UTRN: variants seen among roughly 807,000 people sequenced by gnomAD.
The protein encoded by UTRN is utrophin.
In UTRN, 283 loss-of-function variants were observed where a neutral mutation model predicts 463.9. The ratio of observed to expected loss-of-function variants is 0.61; its 90% CI spans 0.55 to 0.67. The LOEUF is 0.67. Among genes scored for constraint, UTRN ranks in the 30% least tolerant of loss-of-function variants. The pLI, the probability that UTRN is intolerant of heterozygous loss-of-function variation, is 0.00. For synonymous variants in UTRN, 1,442 were observed against 1,431.5 expected (o/e 1.01, Z -0.17); for missense variants, 3,922 against 4,084.3 (o/e 0.96, Z 1.08).
intron 2 of UTRN, among the ~76,000 whole-genome samples, chr6:144,388,447 G>A (rs1489947684): frequency 6.6e-6 from 1 of 151,334 alleles, no homozygotes; most frequent in Non-Finnish European, 1.5e-5. Context: ...AGAGTAGCTG[G>A]GACTACAGGT....
chr6:144,421,682 C>CT (rs1382851610), intron 3 of UTRN, among the ~76,000 whole-genome samples, 196 bp from the exon 4 acceptor site: 2 of 150,838 alleles, frequency 1.3e-5, no homozygotes, highest in African/African-American at 4.9e-5. Context: ...GAGTGAGACT[C>CT]TGTCTAAAAA....
At chr6:144,725,703 A>AT (rs1787798818) in intron 53 of UTRN, among the ~76,000 whole-genome samples, 1 of 152,210 alleles carries the variant, frequency 6.6e-6, no homozygotes, top group Non-Finnish European at 1.5e-5. Context: ...TCTAATTGAG[A>AT]GAGTTAAAGT....
At chr6:144,779,582 G>C (rs995313244) in intron 60 of UTRN, among the ~76,000 whole-genome samples, 1 of 152,112 alleles carries the variant, frequency 6.6e-6, no homozygotes, top group Non-Finnish European at 1.5e-5. Flanking sequence ...ATCTGAGGGG[G>C]AGGAAGAAGA....
At chr6:144,732,142 G>A (rs181606884) in intron 54 of UTRN, among the ~76,000 whole-genome samples, 8 of 150,136 alleles carry the variant, frequency 5.3e-5, no homozygotes, top group Admixed American at 5.3e-4. Context: ...GATTACAGAC[G>A]TAAGCCACTA....
intron 61 of UTRN, 83 bp from the exon 62 acceptor site, chr6:144,789,111 A>C (rs1180742910): frequency 8.8e-7 from 1 of 1,139,166 alleles, no homozygotes; most frequent in African/African-American, 1.6e-5. Flanking sequence ...GTTTACCCCC[A>C]AGAAAATAGA....
chr6:144,535,571 A>G (rs1797457608), intron 43 of UTRN, among the ~76,000 whole-genome samples: 1 of 152,216 alleles, frequency 6.6e-6, no homozygotes, highest in Admixed American at 6.5e-5. Flanking sequence ...CTTCCCCAAC[A>G]GCTTATATTT....
In UTRN at chr6:144,639,808, A is replaced by G. The variant is rs150252551; in HGVS notation, c.7480-38598A>G. Among the ~76,000 whole-genome samples, 504 of 151,968 alleles carry G rather than the reference A, an allele frequency of 3.3e-3. 3 individuals carry two copies. Among genetic ancestry groups the G allele is most frequent in the African/African-American group, 0.011 (469 of 41,430 alleles). The stretch of plus-strand genomic sequence containing the variant: ...GTGCCATGTTGCTGTGGGAGTTTCT[A>G]TATGGAAGAGGGGCATTAACAAAGC... On this transcript the variant is annotated intron_variant, in intron 51 of 74. Coordinates refer to ENST00000367545, the MANE Select transcript of UTRN (RefSeq NM_007124.3).
chr6:144,736,471 AT>A (rs1298878102), intron 54 of UTRN, among the ~76,000 whole-genome samples: 1 of 151,812 alleles, frequency 6.6e-6, no homozygotes, highest in Non-Finnish European at 1.5e-5. Flanking sequence ...GTTCCTTTAA[AT>A]TTTTTCCATT....
intron 2 of UTRN, among the ~76,000 whole-genome samples, chr6:144,359,813 G>T (rs924127944): frequency 6.7e-6 from 1 of 149,884 alleles, no homozygotes; most frequent in African/African-American, 2.5e-5. Flanking sequence ...ACATTTCATC[G>T]CTTGATGTTT....
chr6:144,721,400 G>A (rs1787153282), intron 53 of UTRN, among the ~76,000 whole-genome samples: 1 of 152,078 alleles, frequency 6.6e-6, no homozygotes, highest in Non-Finnish European at 1.5e-5. Context: ...ATTGAGACGG[G>A]GTCTAGCTAT....
At chr6:144,530,791 T>C (rs1285709374) in intron 41 of UTRN, among the ~76,000 whole-genome samples, 1 of 151,904 alleles carries the variant, frequency 6.6e-6, no homozygotes, top group African/African-American at 2.4e-5. Context: ...TGAGTGTGCA[T>C]GTGTGTGTGT....
At chr6:144,711,339 A>C (rs1785681559) in intron 53 of UTRN, among the ~76,000 whole-genome samples, 1 of 152,140 alleles carries the variant, frequency 6.6e-6, no homozygotes, top group African/African-American at 2.4e-5. Context: ...AAACAAAAAA[A>C]AAAAAGCAGC....
Position 144,488,707 on chromosome 6 carries a change from T to G in UTRN, c.4007T>G (p.Leu1336Arg). The G allele has an allele frequency of 6.2e-7, 1 of 1,613,234 alleles. No homozygotes were observed. Among genetic ancestry groups the G allele is most frequent in the East Asian group, 2.2e-5 (1 of 44,848 alleles). Residue 1336 changes from leucine (L) to arginine (R), a missense_variant, in exon 30 of 75, where the codon CTC (leucine) becomes CGC (arginine). Physicochemically the swap from Leu to Arg is moderately radical, Grantham distance 102. Around this residue, in one of 3 missense-constraint regions of UTRN, gnomAD observed 2,349 missense variants for 2,303.8 expected, o/e 1.02. Transcript: ENST00000367545. ...AAGCAGATTTCTTTGGAAAAGCAAC[T>G]CCAGGTGCTGCGGGAAACTGACCAG... ...ESKQISLEKQ[L>R]QVLRETDQML...
chr6:144,336,917 T>C (rs939347212), intron 2 of UTRN, among the ~76,000 whole-genome samples: 7 of 152,112 alleles, frequency 4.6e-5, no homozygotes, highest in Non-Finnish European at 8.8e-5. Context: ...CAGCCAGTCA[T>C]GTAGGGTTGC....
intron 38 of UTRN, 104 bp from the exon 39 acceptor site, chr6:144,516,707 G>T (rs576192836): frequency 3.3e-6 from 3 of 903,602 alleles, no homozygotes; most frequent in South Asian, 3.8e-5. Flanking sequence ...ATATCTTGAC[G>T]TATACTATAC....
intron 2 of UTRN, chr6:144,330,891 T>A: frequency 2.0e-6 from 2 of 985,450 alleles, no homozygotes; most frequent in Non-Finnish European, 2.4e-6. Context: ...ACACATCCCT[T>A]TGTGACTTCA....
At chr6:144,507,806 G>T (rs529572298) in intron 34 of UTRN, among the ~76,000 whole-genome samples, 7 of 152,128 alleles carry the variant, frequency 4.6e-5, no homozygotes, top group African/African-American at 1.4e-4. Context: ...TGGGAGATCC[G>T]CTGCTCTCTT....
chr6:144,346,745 C>A (rs1174975862), intron 2 of UTRN, among the ~76,000 whole-genome samples: 1 of 152,130 alleles, frequency 6.6e-6, no homozygotes, highest in Non-Finnish European at 1.5e-5. Context: ...ATCGCTTGAA[C>A]CCGGGAGGCG....
intron 41 of UTRN, among the ~76,000 whole-genome samples, chr6:144,524,503 A>G (rs894505974): frequency 6.6e-5 from 10 of 151,914 alleles, no homozygotes; most frequent in African/African-American, 2.4e-4. Flanking sequence ...TTTCATTTTT[A>G]AATTTTTAGT....
Sources: allele counts gnomAD v4.1 joint callset (sites outside exome capture counted in the v4.1 genomes callset), GRCh38; gene constraint gnomAD v4.1.1; regional missense constraint gnomAD v4.1.1; transcripts MANE v1.5; gene names NCBI Gene and HGNC (gene_info 2026-07-23, HGNC 2026-07-21).